Variants in SMTNL2 observed in about 807,000 individuals in gnomAD.
SMTNL2 encodes the protein smoothelin like 2.
Under a neutral mutation model 44.1 loss-of-function variants are expected in SMTNL2, and 43 were observed. The observed-to-expected ratio is 0.98, with a 90% CI of 0.76 to 1.26. SMTNL2 has a LOEUF of 1.26. Among genes scored for constraint, SMTNL2 ranks in the 50% most tolerant of loss-of-function variants. The pLI is 0.00. For synonymous variants in SMTNL2, 317 were observed against 287.6 expected (o/e 1.10, Z -1.03); for missense variants, 646 against 670.2 (o/e 0.96, Z 0.40).
In SMTNL2 at chr17:4,600,006, G is replaced by C. The variant is rs754893491; in HGVS notation, c.1259+2683G>C. Among the ~76,000 whole-genome samples the C allele has an allele frequency of 1.3e-5, 2 of 152,178 alleles. No homozygotes were observed. The highest frequency in any genetic ancestry group is 2.9e-5 in the Non-Finnish European group (2 of 68,026). ...TGAGTTCTTGCTTTTCTGCTGACTC[G>C]AGGGCGTGGGGAGGGGCGTCCACCG... is the stretch of plus-strand genomic sequence containing the variant. On this transcript the variant is annotated intron_variant, in intron 7 of 7. Coordinates refer to ENST00000389313, the MANE Select transcript of SMTNL2 (RefSeq NM_001114974.2). The surrounding 1 kb of genome is among the most constrained non-coding windows in gnomAD (Gnocchi z 4.7).
At chr17:4,593,728 G>A in intron 3 of SMTNL2, 94 bp from the exon 4 acceptor site, 1 of 1,279,204 alleles carries the variant, frequency 7.8e-7, no homozygotes, top group Non-Finnish European at 1.1e-6. Context: ...GCGATGCCGG[G>A]TAAATGAGGC....
In SMTNL2 at chr17:4,607,793, C is replaced by T. The variant is rs905091948; in HGVS notation, c.*306C>T. On this transcript the variant is annotated 3_prime_UTR_variant, in exon 8 of 8. Transcript: ENST00000389313. The surrounding 1 kb of genome is among the most constrained non-coding windows in gnomAD (Gnocchi z 4.7). ...AAGAAATGCTTGTGTTTATAGCTTC[C>T]AGAATGCTAATCTACAATTTTCCCT... 6 of 258,732 alleles carry T rather than the reference C, an allele frequency of 2.3e-5. No individual in the cohort carries two copies. Among genetic ancestry groups the T allele is most frequent in the Non-Finnish European group, 4.4e-5 (6 of 137,068 alleles). 16.0% of individuals were successfully genotyped at this position (258,732 alleles called of 1,614,324 possible).
At chr17:4,605,969 A>C (rs1302290846) in intron 7 of SMTNL2, among the ~76,000 whole-genome samples, 1 of 152,208 alleles carries the variant, frequency 6.6e-6, no homozygotes, top group African/African-American at 2.4e-5. Flanking sequence ...TCCCACGTCC[A>C]CGAGGCCTTC....
In SMTNL2 at chr17:4,593,033, A is replaced by T. The variant is rs773161711; in HGVS notation, c.592A>T (p.Thr198Ser). 3 of 1,613,772 alleles carry T rather than the reference A, an allele frequency of 1.9e-6. No individual in the cohort carries two copies. The African/African-American group carries it at 4.0e-5, about 22-fold the overall frequency. The change falls in exon 3 of 8, where the codon ACG becomes TCG. Residue 198 changes from threonine to serine, a missense_variant. By Grantham distance (58) the Thr-to-Ser change is moderately conservative. Transcript: ENST00000389313. Reference protein sequence around the residue: ...LSLRLPHQPVTAITRVSDRFS... With the variant: ...LSLRLPHQPVSAITRVSDRFS... ...CTTGCGGCTGCCCCACCAGCCAGTC[A>T]CGGCCATCACCCGAGTCTCTGACAG...
At chr17:4,605,125 C>G (rs1170316092) in intron 7 of SMTNL2, among the ~76,000 whole-genome samples, 2 of 143,148 alleles carry the variant, frequency 1.4e-5, no homozygotes, top group Non-Finnish European at 3.0e-5. Flanking sequence ...AAAATGGCAA[C>G]AAGAATAATC....
chr17:4,594,825 C>T (rs749301266), intron 4 of SMTNL2, among the ~76,000 whole-genome samples: 3 of 152,100 alleles, frequency 2.0e-5, no homozygotes, highest in Admixed American at 6.5e-5. Flanking sequence ...CTGGTCCCTC[C>T]GGGGCTGGTT....
chr17:4,603,261 A>G (rs903988750), intron 7 of SMTNL2, among the ~76,000 whole-genome samples: 1 of 152,142 alleles, frequency 6.6e-6, no homozygotes, highest in African/African-American at 2.4e-5. Context: ...GGTCCTGGGT[A>G]TCCTTTGTGG....
In SMTNL2 at chr17:4,598,337, G is replaced by A. The variant is rs1909901163; in HGVS notation, c.1259+1014G>A. Among the ~76,000 whole-genome samples the A allele has an allele frequency of 6.6e-6, 1 of 152,216 alleles. No individual in the cohort carries two copies. Among genetic ancestry groups the A allele is most frequent in the South Asian group, 2.1e-4 (1 of 4,834 alleles). On this transcript the variant is annotated intron_variant, in intron 7 of 7. Coordinates refer to ENST00000389313, the MANE Select transcript of SMTNL2 (RefSeq NM_001114974.2). This position sits in a 1 kb window ranked among gnomAD's most constrained non-coding sequence, Gnocchi z 4.8. Reference sequence around the variant, plus strand: ...AGGGCAGGGAGCAGGGCACAGATGAGTGGTGTTCGGGGCTGCCCAATGCTA... The same window carrying A: ...AGGGCAGGGAGCAGGGCACAGATGAATGGTGTTCGGGGCTGCCCAATGCTA...
At chr17:4,606,333 G>T (rs1454117225) in intron 7 of SMTNL2, among the ~76,000 whole-genome samples, 1 of 151,730 alleles carries the variant, frequency 6.6e-6, no homozygotes, top group Non-Finnish European at 1.5e-5. Flanking sequence ...TATTGGTCAG[G>T]CTGGTCTCGA....
At chr17:4,604,368 G>A (rs1020698204) in intron 7 of SMTNL2, among the ~76,000 whole-genome samples, 8 of 152,196 alleles carry the variant, frequency 5.3e-5, no homozygotes, top group African/African-American at 1.9e-4. Context: ...GGGGATCCAG[G>A]ACAGATGCCT....
chr17:4,602,231 C>A lies in SMTNL2; in HGVS notation c.1259+4908C>A, dbSNP rs993424220. On this transcript the variant is annotated intron_variant, in intron 7 of 7. Transcript: ENST00000389313. ...CGCATTTTGGATTCGGTATGATGAA[C>A]CTGTGCCATTGAAGCTGGCACCATG... Among the ~76,000 whole-genome samples, 12 of 151,228 alleles carry A rather than the reference C, an allele frequency of 7.9e-5. No homozygotes were observed. The South Asian group carries it at 2.1e-3, about 26-fold the overall frequency.
In SMTNL2 at chr17:4,595,504, G is replaced by C. The variant is rs761384779; in HGVS notation, c.989+177G>C. Among the ~76,000 whole-genome samples, 4 of 152,222 alleles carry C rather than the reference G, an allele frequency of 2.6e-5. No individual in the cohort carries two copies. Among genetic ancestry groups the C allele is most frequent in the Non-Finnish European group, 4.4e-5 (3 of 68,036 alleles). ...TAGGGCTGGGCCACAGGGCAGCTTG[G>C]GGGGACAGAGGACCCCAGTTGTTGG... On this transcript the variant is annotated intron_variant, in intron 5 of 7. Transcript: ENST00000389313. This position sits in a 1 kb window ranked among gnomAD's most constrained non-coding sequence, Gnocchi z 5.1.
At chr17:4,596,152 C>T (rs1034884864) in intron 5 of SMTNL2, among the ~76,000 whole-genome samples, 1 of 142,832 alleles carries the variant, frequency 7.0e-6, no homozygotes, top group Non-Finnish European at 1.5e-5. Flanking sequence ...GTGGCCCAAG[C>T]GTGGTATTGA....
chr17:4,589,938 CTTTTTTTT>C lies in SMTNL2; in HGVS notation c.400-2384_400-2377del, dbSNP rs780984262. 5.0e-5 allele frequency among the ~76,000 whole-genome samples: 3 copies of C among 59,872 alleles called. 1 individual carries two copies. The highest frequency in any genetic ancestry group is 7.0e-5 in the African/African-American group (1 of 14,252). 39.3% of individuals were successfully genotyped at this position (59,872 alleles called of 152,430 possible). The stretch of plus-strand genomic sequence containing the variant: ...CCAGGCTGCCTTTGGACGCACCTGG[CTTTTTTTT>C]TTTTTTTTTTTTTTTTTTTTTTTTT... On this transcript the variant is annotated intron_variant, in intron 1 of 7. Transcript: ENST00000389313.
rs1909967872 is a variant in SMTNL2, at chr17:4,600,047, G to A, written c.1259+2724G>A. The stretch of plus-strand genomic sequence containing the variant: ...GCGTCCACCGCAGGCCTGTGCCGGG[G>A]GGTCGGGGGAGTTTGCTCAGAGCCT... On this transcript the variant is annotated intron_variant, in intron 7 of 7. Coordinates refer to ENST00000389313, the MANE Select transcript of SMTNL2 (RefSeq NM_001114974.2). The surrounding 1 kb of genome is among the most constrained non-coding windows in gnomAD (Gnocchi z 4.7). Among the ~76,000 whole-genome samples, 1 of 152,210 alleles carries A rather than the reference G, an allele frequency of 6.6e-6. No homozygotes were observed. Among genetic ancestry groups the A allele is most frequent in the Non-Finnish European group, 1.5e-5 (1 of 68,038 alleles).
intron 7 of SMTNL2, among the ~76,000 whole-genome samples, chr17:4,601,101 A>T (rs781165522): frequency 1.2e-4 from 19 of 152,170 alleles, no homozygotes; most frequent in Non-Finnish European, 2.5e-4. Flanking sequence ...GTAAGCAAAG[A>T]CACTTTAAAA....
chr17:4,600,865 G>A lies in SMTNL2; in HGVS notation c.1259+3542G>A, dbSNP rs1258858992. ...TACGCTGGAGCAGAAGGGCCTTCCA[G>A]GCTATTTGTAGTGCCCATGTGTCTC... On this transcript the variant is annotated intron_variant, in intron 7 of 7. Coordinates refer to ENST00000389313, the MANE Select transcript of SMTNL2 (RefSeq NM_001114974.2). The surrounding 1 kb of genome is among the most constrained non-coding windows in gnomAD (Gnocchi z 4.7). Among the ~76,000 whole-genome samples, 1 of 152,218 alleles carries A rather than the reference G, an allele frequency of 6.6e-6. No individual in the cohort carries two copies. Among genetic ancestry groups the A allele is most frequent in the Non-Finnish European group, 1.5e-5 (1 of 68,038 alleles).
chr17:4,599,102 C>G (rs544268140), intron 7 of SMTNL2, among the ~76,000 whole-genome samples: 5 of 152,328 alleles, frequency 3.3e-5, no homozygotes, highest in African/African-American at 1.2e-4. Context: ...AGGGCAGAAT[C>G]GAGACTGGCT....
intron 1 of SMTNL2, among the ~76,000 whole-genome samples, chr17:4,587,527 C>T (rs1909391535): frequency 6.6e-6 from 1 of 152,136 alleles, no homozygotes; most frequent in African/African-American, 2.4e-5. Flanking sequence ...GAGTGTGGAC[C>T]ATGGACATAG....
Sources: allele counts gnomAD v4.1 joint callset (sites outside exome capture counted in the v4.1 genomes callset), GRCh38; gene constraint gnomAD v4.1.1; non-coding constraint Gnocchi (gnomAD v3.1); transcripts MANE v1.5; gene names NCBI Gene and HGNC (gene_info 2026-07-23, HGNC 2026-07-21).